The following MAP3K15 variants were observed in gnomAD, a reference collection of about 807,000 sequenced individuals.
MAP3K15 encodes the protein MAPK/ERK kinase kinase 15.
MAP3K15 carries 124 observed loss-of-function variants against 99.5 expected under a neutral mutation model. The observed-to-expected ratio is 1.25, with a 90% CI of 1.08 to 1.45. The LOEUF (loss-of-function observed/expected upper bound fraction) is 1.45. MAP3K15 is among the 40% of genes most tolerant of loss of function. The probability of loss-of-function intolerance (pLI) is 0.00; values close to 1 mark genes in which losing one functional copy is unlikely to be tolerated. For synonymous variants in MAP3K15, 494 were observed against 439.6 expected (o/e 1.12, Z -1.55); for missense variants, 1,242 against 1,079.7 (o/e 1.15, Z -2.11).
intron 1 of MAP3K15, among the ~76,000 whole-genome samples, chrX:19,500,735 G>A (rs778697554): frequency 2.0e-4 from 22 of 112,420 alleles, no homozygotes; most frequent in African/African-American, 7.1e-4. Context: ...TTATTTGGCC[G>A]GGATTGAAAC....
intron 12 of MAP3K15, among the ~76,000 whole-genome samples, 186 bp downstream of exon 12, chrX:19,409,738 G>A (rs958558181): frequency 1.8e-5 from 2 of 112,214 alleles, no homozygotes; most frequent in Non-Finnish European, 3.8e-5. Flanking sequence ...AACCCAAGAA[G>A]TTCTCACTAG....
At chrX:19,509,191 G>A (rs2064500630) in intron 1 of MAP3K15, among the ~76,000 whole-genome samples, 1 of 111,584 alleles carries the variant, frequency 9.0e-6, no homozygotes, top group African/African-American at 3.3e-5. Context: ...GACACAGGAA[G>A]TGCTTAAATT....
intron 14 of MAP3K15, among the ~76,000 whole-genome samples, chrX:19,399,059 C>G (rs889569177): frequency 1.8e-5 from 2 of 112,414 alleles, no homozygotes; most frequent in Non-Finnish European, 3.8e-5. Context: ...CTTCTACTTA[C>G]AGAAGTGCAG....
At chrX:19,466,440 C>T (rs1363669214) in intron 3 of MAP3K15, among the ~76,000 whole-genome samples, 1 of 110,840 alleles carries the variant, frequency 9.0e-6, no homozygotes, top group Non-Finnish European at 1.9e-5. Context: ...TCTCATGAGA[C>T]CCGATGGTTT....
chrX:19,369,274 G>C (rs769611087), intron 24 of MAP3K15, 55 bp from the exon 25 acceptor site: 15 of 1,192,334 alleles, frequency 1.3e-5, no homozygotes, highest in Admixed American at 2.2e-5. Flanking sequence ...GTGGGGCCTG[G>C]GGTCGCAGAC....
intron 1 of MAP3K15, among the ~76,000 whole-genome samples, chrX:19,489,542 G>A (rs1056354707): frequency 2.7e-5 from 3 of 111,016 alleles, no homozygotes; most frequent in African/African-American, 6.6e-5. Context: ...CCTTTGGGAG[G>A]TGATTAGGTC....
At chrX:19,457,173 GA>G (rs2064099248) in intron 5 of MAP3K15, among the ~76,000 whole-genome samples, 154 bp from the exon 6 acceptor site, 1 of 111,872 alleles carries the variant, frequency 8.9e-6, no homozygotes, top group South Asian at 3.7e-4. Context: ...CCTTTAATAG[GA>G]GGGAAAAAGA....
At chrX:19,430,936 A>G (rs921790289) in intron 7 of MAP3K15, among the ~76,000 whole-genome samples, 8 of 111,185 alleles carry the variant, frequency 7.2e-5, no homozygotes, top group Non-Finnish European at 9.4e-5. Flanking sequence ...ACCTTTCCCC[A>G]TAGCCCTCAG....
chrX:19,410,015 T>G, intron 11 of MAP3K15, 42 bp from the exon 12 acceptor site: 1 of 1,105,652 alleles, frequency 9.0e-7, no homozygotes, highest in Middle Eastern at 2.5e-4. Flanking sequence ...TTGAGTTTTT[T>G]AAAGCAAATG....
Position 19,457,819 on chromosome X carries a change from A to C in MAP3K15, c.889-800T>G, listed in dbSNP as rs773621319. Among the ~76,000 whole-genome samples, 51 of 111,168 alleles carry C rather than the reference A, an allele frequency of 4.6e-4. 3 individuals carry two copies. The South Asian group carries it at 0.018, about 40-fold the overall frequency. Reference sequence around the variant, plus strand: ...CTGGACCATAATTCTCTGTTGTGGGAGCTGTCCTGGGCACTGTAGGATGCT... The same window carrying C: ...CTGGACCATAATTCTCTGTTGTGGGCGCTGTCCTGGGCACTGTAGGATGCT... On this transcript the variant is annotated intron_variant, in intron 5 of 28. Transcript: ENST00000338883.
At chrX:19,417,365 T>C (rs1392615754) in intron 9 of MAP3K15, among the ~76,000 whole-genome samples, 1 of 112,037 alleles carries the variant, frequency 8.9e-6, no homozygotes, top group Non-Finnish European at 1.9e-5. Context: ...GCTTTTCCAA[T>C]GGTCTTAGCA....
chrX:19,439,270 G>A, intron 6 of MAP3K15, among the ~76,000 whole-genome samples: 1 of 111,873 alleles, frequency 8.9e-6, no homozygotes, highest in Middle Eastern at 4.6e-3. Context: ...CCAATGCCAT[G>A]CTTGTACAGT....
intron 4 of MAP3K15, among the ~76,000 whole-genome samples, chrX:19,460,968 T>C (rs1395621005): frequency 2.8e-5 from 3 of 105,705 alleles, no homozygotes; most frequent in African/African-American, 1.0e-4. Context: ...AGAGACAGGG[T>C]TTCTTTCCTT....
At chrX:19,428,248 A>G (rs1033054455) in intron 7 of MAP3K15, among the ~76,000 whole-genome samples, 1 of 111,874 alleles carries the variant, frequency 8.9e-6, no homozygotes, top group Non-Finnish European at 1.9e-5. Context: ...CAGAAGACGA[A>G]GCTTCATTTG....
At chrX:19,486,985 G>A (rs1343205143) in intron 2 of MAP3K15, among the ~76,000 whole-genome samples, 2 of 110,599 alleles carry the variant, frequency 1.8e-5, no homozygotes, top group South Asian at 3.8e-4. Flanking sequence ...CCTACAGAAG[G>A]GGTGTTGGTA....
chrX:19,433,363 A>G (rs764557897), intron 6 of MAP3K15, among the ~76,000 whole-genome samples: 1 of 111,783 alleles, frequency 8.9e-6, no homozygotes, highest in South Asian at 3.8e-4. Context: ...CACGCAATCC[A>G]TTGAGGGTAC....
chrX:19,415,248 T>A lies in MAP3K15; in HGVS notation c.1449A>T (p.Arg483=). Residue 483 remains arginine (R), a synonymous_variant, in exon 10 of 29, where the codon CGA becomes CGT. Transcript: ENST00000338883. The part of the protein sequence containing the change: ...FKLKPPVWYL[R]SLVQNLLLIR... ...TTAGTAACAAGTTCTGAACTAATGA[T>A]CGCAGGTACCTGGAAAAATCACAAA... The A allele has an allele frequency of 1.7e-6, 2 of 1,170,082 alleles. No individual in the cohort carries two copies. Among genetic ancestry groups the A allele is most frequent in the Non-Finnish European group, 1.1e-6 (1 of 880,632 alleles).
At chrX:19,386,997 C>T (rs1019015120) in intron 18 of MAP3K15, among the ~76,000 whole-genome samples, 10 of 111,516 alleles carry the variant, frequency 9.0e-5, no homozygotes, top group African/African-American at 3.3e-4. Context: ...CCGTTAGAGC[C>T]TAAATTTCAA....
intron 3 of MAP3K15, among the ~76,000 whole-genome samples, chrX:19,483,505 C>T (rs1368296857): frequency 9.0e-6 from 1 of 111,358 alleles, no homozygotes; most frequent in African/African-American, 3.3e-5. Flanking sequence ...GCTACATGTT[C>T]AGGGTGTGGC....
Sources: allele counts gnomAD v4.1 joint callset (sites outside exome capture counted in the v4.1 genomes callset), GRCh38; gene constraint gnomAD v4.1.1; transcripts MANE v1.5; gene names NCBI Gene and HGNC (gene_info 2026-07-23, HGNC 2026-07-21).